The following PTPRA variants were observed in gnomAD, a reference collection of about 807,000 sequenced individuals.
PTPRA encodes receptor-type tyrosine-protein phosphatase alpha.
Under a neutral mutation model 104.8 loss-of-function variants are expected in PTPRA, and 25 were observed. The ratio of observed to expected loss-of-function variants is 0.24; its 90% CI spans 0.17 to 0.33. The LOEUF (loss-of-function observed/expected upper bound fraction) is 0.33. Ranked by LOEUF, PTPRA falls within the 10% of genes least tolerant of loss-of-function variation. The probability of loss-of-function intolerance (pLI) is 1.00; values close to 1 mark genes in which losing one functional copy is unlikely to be tolerated. For synonymous variants in PTPRA, 323 were observed against 368.9 expected (o/e 0.88, Z 1.43); for missense variants, 765 against 1,015.3 (o/e 0.75, Z 3.35).
At chr20:2,922,475 G>A (rs2060130949) in intron 1 of PTPRA, among the ~76,000 whole-genome samples, 2 of 151,958 alleles carry the variant, frequency 1.3e-5, no homozygotes, top group South Asian at 4.2e-4. Context: ...AAGTAACTGG[G>A]ATTACAGACA....
intron 13 of PTPRA, 22 bp from the exon 14 acceptor site, chr20:3,021,287 A>T (rs369080768): frequency 1.2e-5 from 19 of 1,611,738 alleles, no homozygotes; most frequent in Non-Finnish European, 1.5e-5. Context: ...AGGTCAGGGA[A>T]TGTATGTCTT....
chr20:2,879,446 A>C (rs1282578153), intron 1 of PTPRA, among the ~76,000 whole-genome samples: 1 of 152,184 alleles, frequency 6.6e-6, no homozygotes, highest in African/African-American at 2.4e-5. Context: ...TGAGCACCTA[A>C]AACTGGCTGA....
chr20:2,909,612 A>C (rs1180635550), intron 1 of PTPRA, among the ~76,000 whole-genome samples: 1 of 151,248 alleles, frequency 6.6e-6, no homozygotes, highest in Non-Finnish European at 1.5e-5. Flanking sequence ...AACGAAAACT[A>C]CAAAAGATTG....
Position 3,035,660 on chromosome 20 carries a change from G to A in PTPRA, c.1996G>A (p.Glu666Lys), listed in dbSNP as rs756709490. The change falls in exon 21 of 24, where the codon GAG (glutamate) becomes AAG (lysine). Residue 666 changes from glutamate to lysine, a missense_variant. By Grantham distance (56) the Glu-to-Lys change is moderately conservative. Coordinates refer to ENST00000399903, the MANE Select transcript of PTPRA (RefSeq NM_001385305.1). The surrounding 1 kb of genome is among the most constrained non-coding windows in gnomAD (Gnocchi z 5.8). Reference protein sequence around the residue: ...GDITVELKKEEECESYTVRDL... With the variant: ...GDITVELKKEKECESYTVRDL... ...TATTACAGTGGAACTGAAGAAGGAG[G>A]AGGAATGTGAGAGCTACACCGTCCG... The A allele has an allele frequency of 6.2e-7, 1 of 1,614,166 alleles. No individual in the cohort carries two copies. The highest frequency in any genetic ancestry group is 1.1e-5 in the South Asian group (1 of 91,080).
chr20:2,878,211 T>TA (rs1037882031), intron 1 of PTPRA, among the ~76,000 whole-genome samples: 1 of 146,534 alleles, frequency 6.8e-6, no homozygotes, highest in African/African-American at 2.6e-5. Context: ...TAGTTTTTTT[T>TA]AAATTTGTTT....
intron 12 of PTPRA, among the ~76,000 whole-genome samples, chr20:3,016,338 C>A (rs1251996841): frequency 6.6e-6 from 1 of 152,238 alleles, no homozygotes; most frequent in Admixed American, 6.5e-5. Flanking sequence ...ACCCTCAGAT[C>A]AGGGACCCAG....
At chr20:2,926,545 A>G (rs1185345988) in intron 2 of PTPRA, among the ~76,000 whole-genome samples, 2 of 152,138 alleles carry the variant, frequency 1.3e-5, no homozygotes, top group Admixed American at 6.6e-5. Flanking sequence ...CTCTTTCTAA[A>G]TAAGTTCACA....
rs2065886269 is a variant in PTPRA, at chr20:3,037,971, C to T, written c.2335-88C>T. 24 of 1,171,130 alleles carry T rather than the reference C, an allele frequency of 2.0e-5. No homozygotes were observed. In the East Asian group the frequency reaches 5.7e-4, roughly 28 times the overall value. The allele number at this position is 1,171,130 out of a possible 1,614,324, so 72.5% of individuals were successfully genotyped here. The stretch of plus-strand genomic sequence containing the variant: ...CATTCAGTTCCTCTTGATTTTCCAT[C>T]TTCAACAAAAAAATGAGTCTGTTAG... On this transcript the variant is annotated intron_variant, in intron 23 of 23. Transcript: ENST00000399903. This position sits in a 1 kb window ranked among gnomAD's most constrained non-coding sequence, Gnocchi z 4.3.
chr20:2,937,219 G>A (rs1186133802), intron 2 of PTPRA, among the ~76,000 whole-genome samples: 1 of 151,576 alleles, frequency 6.6e-6, no homozygotes, highest in Non-Finnish European at 1.5e-5. Context: ...CACCTCCCGG[G>A]TTCAAGCCAT....
chr20:3,033,264 C>A, intron 20 of PTPRA, among the ~76,000 whole-genome samples: 1 of 151,928 alleles, frequency 6.6e-6, no homozygotes, highest in Non-Finnish European at 1.5e-5. Context: ...CCACTCTTAG[C>A]CATCTAAATA....
rs187129552 is a variant in PTPRA, at chr20:2,918,820, G to C, written c.-128-4387G>C. On this transcript the variant is annotated intron_variant, in intron 1 of 23. Coordinates refer to ENST00000399903, the MANE Select transcript of PTPRA (RefSeq NM_001385305.1). ...CTAGTGGGTAAGAGCAGATTTTGGA[G>C]TCATGTACACCTGGGTTTGAGTTTC... 1.1e-4 allele frequency among the ~76,000 whole-genome samples: 17 copies of C among 152,244 alleles called. No individual in the cohort carries two copies. In the East Asian group the frequency reaches 3.1e-3, roughly 28 times the overall value.
At chr20:2,866,258 A>G in the PTPRA span, 6 of 1,614,044 alleles carry the variant, frequency 3.7e-6, no homozygotes, top group African/African-American at 6.7e-5. Flanking sequence ...TACGAAGCCA[A>G]GAAGTATGCT....
At chr20:3,012,134 T>C (rs917839718) in intron 11 of PTPRA, among the ~76,000 whole-genome samples, 5 of 152,216 alleles carry the variant, frequency 3.3e-5, no homozygotes, top group African/African-American at 4.8e-5. Context: ...CCTAATAGTG[T>C]CTGCCAGTTT....
chr20:2,961,903 G>T (rs1000544751), intron 3 of PTPRA, among the ~76,000 whole-genome samples: 1 of 152,142 alleles, frequency 6.6e-6, no homozygotes, highest in African/African-American at 2.4e-5. Flanking sequence ...TCCTTTGTCA[G>T]TTGACTATAT....
intron 2 of PTPRA, among the ~76,000 whole-genome samples, chr20:2,937,608 CAT>C (rs1304033519): frequency 1.3e-5 from 2 of 152,192 alleles, no homozygotes; most frequent in East Asian, 1.9e-4. Flanking sequence ...ATATGCATAA[CAT>C]ATATATGGAT....
At chr20:3,018,731 G>A (rs1164153000) in intron 13 of PTPRA, among the ~76,000 whole-genome samples, 1 of 151,156 alleles carries the variant, frequency 6.6e-6, no homozygotes, top group African/African-American at 2.4e-5. Context: ...TTCTCAATGA[G>A]CTGCTGGGCA....
intron 6 of PTPRA, among the ~76,000 whole-genome samples, chr20:2,981,586 A>T (rs2062675977): frequency 6.6e-6 from 1 of 152,214 alleles, no homozygotes; most frequent in South Asian, 2.1e-4. Context: ...TATATGCAGC[A>T]TATGTTTTGT....
intron 3 of PTPRA, among the ~76,000 whole-genome samples, chr20:2,949,307 CTT>C (rs150488260): frequency 1.4e-5 from 2 of 138,680 alleles, no homozygotes; most frequent in African/African-American, 2.6e-5. Context: ...TGTAGATTTT[CTT>C]TTTTTTTTTT....
intron 20 of PTPRA, among the ~76,000 whole-genome samples, chr20:3,032,900 T>C (rs2065572566): frequency 6.6e-6 from 1 of 150,482 alleles, no homozygotes; most frequent in African/African-American, 2.4e-5. Flanking sequence ...AAAGGTCATT[T>C]CTCTTTTCTG....
Sources: gnomAD v4.1 joint callset for allele counts (sites outside exome capture counted in the v4.1 genomes callset) on GRCh38, gnomAD v4.1.1 for gene constraint, Gnocchi (gnomAD v3.1) non-coding constraint, MANE v1.5 for transcripts, NCBI Gene and HGNC (gene_info 2026-07-23, HGNC 2026-07-21) for gene names.